Variants in SPAST observed in about 807,000 individuals in gnomAD.
The protein encoded by SPAST is spastin.
SPAST carries 30 observed loss-of-function variants against 76.6 expected under a neutral mutation model. That is an observed-to-expected ratio of 0.39 (90% CI 0.29 to 0.53). The LOEUF (loss-of-function observed/expected upper bound fraction) is 0.53, where lower values mean the gene tolerates loss of function less well. Among genes scored for constraint, SPAST ranks in the 20% least tolerant of loss-of-function variants. The pLI, the probability that SPAST is intolerant of heterozygous loss-of-function variation, is 0.68. For synonymous variants in SPAST, 305 were observed against 281.0 expected (o/e 1.09, Z -0.86); for missense variants, 717 against 770.5 (o/e 0.93, Z 0.82).
At chr2:32,089,438 C>T in intron 2 of SPAST, 84 bp from the exon 3 acceptor site, 4 of 785,964 alleles carry the variant, frequency 5.1e-6, no homozygotes, top group Non-Finnish European at 8.8e-6. Context: ...TGTGACTCCC[C>T]ATGAAAGTAG....
intron 3 of SPAST, among the ~76,000 whole-genome samples, chr2:32,094,473 A>G (rs1172170451): frequency 1.3e-5 from 2 of 152,184 alleles, no homozygotes; most frequent in African/African-American, 4.8e-5. Context: ...GAGAAGTAAG[A>G]GCCAATACAA....
At chr2:32,089,389 T>G in intron 2 of SPAST, 133 bp from the exon 3 acceptor site, 1 of 599,146 alleles carries the variant, frequency 1.7e-6, no homozygotes, top group East Asian at 3.0e-5. Context: ...GGGTATACAT[T>G]TTCTTCTTTT....
chr2:32,118,727 T>G (rs1159238681), intron 7 of SPAST, among the ~76,000 whole-genome samples: 1 of 152,220 alleles, frequency 6.6e-6, no homozygotes, highest in Non-Finnish European at 1.5e-5. Flanking sequence ...TTTCTAAGAT[T>G]AGAGCTGCCT....
chr2:32,093,308 C>CT (rs1270975550), intron 3 of SPAST, among the ~76,000 whole-genome samples: 2 of 94,700 alleles, frequency 2.1e-5, no homozygotes, highest in Non-Finnish European at 4.3e-5. Context: ...GAGACTCCGT[C>CT]TCAAAAAAAA....
Position 32,144,684 on chromosome 2 carries a change from G to A in SPAST, c.1617-253G>A, listed in dbSNP as rs143261316. Among the ~76,000 whole-genome samples, 1,974 of 151,994 alleles carry A rather than the reference G, an allele frequency of 0.013. 15 individuals are homozygous for A. The highest frequency in any genetic ancestry group is 0.019 in the Non-Finnish European group (1,317 of 67,948). On this transcript the variant is annotated intron_variant, in intron 14 of 16. Transcript: ENST00000315285. ...GTGGATCACCTGAGGTCAGGAGTTCGAGACCAGCCTGACCAACATGGCGAA... is the reference window on the plus strand; with the variant it reads ...GTGGATCACCTGAGGTCAGGAGTTCAAGACCAGCCTGACCAACATGGCGAA...
chr2:32,139,447 A>G (rs929838394), intron 12 of SPAST, among the ~76,000 whole-genome samples: 3 of 152,242 alleles, frequency 2.0e-5, no homozygotes, highest in African/African-American at 7.2e-5. Flanking sequence ...TCAGTGTACA[A>G]AAAATTAGTA....
At chr2:32,098,968 A>T in intron 4 of SPAST, 77 bp downstream of exon 4, 2 of 950,870 alleles carry the variant, frequency 2.1e-6, no homozygotes, top group Non-Finnish European at 3.4e-6. Context: ...GATAATGTTG[A>T]TTTGATTTTA....
intron 1 of SPAST, among the ~76,000 whole-genome samples, chr2:32,067,721 G>A (rs2148689636): frequency 6.7e-6 from 1 of 149,174 alleles, no homozygotes; most frequent in Non-Finnish European, 1.5e-5. Flanking sequence ...ATAGCTCACT[G>A]CAGCCTCAAG....
intron 3 of SPAST, among the ~76,000 whole-genome samples, 168 bp from the exon 4 acceptor site, chr2:32,098,628 A>G (rs1255237076): frequency 6.6e-6 from 1 of 152,170 alleles, no homozygotes; most frequent in Non-Finnish European, 1.5e-5. Flanking sequence ...CTTCATTTTT[A>G]CTAATTATAT....
chr2:32,079,462 T>C (rs1402271831), intron 1 of SPAST, among the ~76,000 whole-genome samples: 9 of 151,080 alleles, frequency 6.0e-5, no homozygotes, highest in Non-Finnish European at 2.9e-5. Context: ...AGTGAGATCA[T>C]ACCACTGCTC....
chr2:32,125,748 T>C (rs1049690244), intron 7 of SPAST, among the ~76,000 whole-genome samples: 4 of 152,112 alleles, frequency 2.6e-5, no homozygotes, highest in African/African-American at 9.7e-5. Flanking sequence ...CTTGACTGCC[T>C]TTGGTGGGGA....
chr2:32,091,855 T>C (rs1205289743), intron 3 of SPAST, among the ~76,000 whole-genome samples: 1 of 151,294 alleles, frequency 6.6e-6, no homozygotes, highest in Non-Finnish European at 1.5e-5. Context: ...ATAAAATAAA[T>C]AGATAAATAA....
chr2:32,079,071 G>A (rs1242092804), intron 1 of SPAST, among the ~76,000 whole-genome samples: 2 of 151,984 alleles, frequency 1.3e-5, no homozygotes, highest in African/African-American at 4.8e-5. Flanking sequence ...GAATTCCTGG[G>A]CTCAAGTGAC....
chr2:32,069,400 A>G (rs1676657883), intron 1 of SPAST, among the ~76,000 whole-genome samples: 1 of 152,028 alleles, frequency 6.6e-6, no homozygotes, highest in Non-Finnish European at 1.5e-5. Flanking sequence ...AGAGAATGTA[A>G]TTCTTCCTCT....
intron 9 of SPAST, among the ~76,000 whole-genome samples, chr2:32,134,195 C>G (rs943602918): frequency 6.6e-6 from 1 of 151,934 alleles, no homozygotes; most frequent in African/African-American, 2.4e-5. Context: ...GCCACCATGC[C>G]CAGCTAATTT....
chr2:32,105,337 C>T (rs1417434505), intron 4 of SPAST, among the ~76,000 whole-genome samples: 1 of 152,128 alleles, frequency 6.6e-6, no homozygotes, highest in Admixed American at 6.5e-5. Context: ...GCTGTTTATT[C>T]TAGTTAGCCA....
At chr2:32,110,789 GTATAGTATACATAGTATACTA>G (rs1311575986) in intron 4 of SPAST, among the ~76,000 whole-genome samples, 4 of 138,072 alleles carry the variant, frequency 2.9e-5, no homozygotes, top group Non-Finnish European at 4.6e-5. Flanking sequence ...ACTATATATA[GTATAGTATACATAGTATACTA>G]TATAGTATAT....
chr2:32,105,065 T>A (rs896692092), intron 4 of SPAST, among the ~76,000 whole-genome samples: 4 of 152,152 alleles, frequency 2.6e-5, no homozygotes, highest in African/African-American at 7.2e-5. Context: ...TTGGTTCCAT[T>A]CTCCCCGTCA....
chr2:32,079,255 G>A (rs991594575), intron 1 of SPAST, among the ~76,000 whole-genome samples: 1 of 152,032 alleles, frequency 6.6e-6, no homozygotes, highest in Non-Finnish European at 1.5e-5. Context: ...GGTGGCTCAC[G>A]CCTGTAATCG....
Sources: allele counts gnomAD v4.1 joint callset (sites outside exome capture counted in the v4.1 genomes callset), GRCh38; gene constraint gnomAD v4.1.1; transcripts MANE v1.5; gene names NCBI Gene and HGNC (gene_info 2026-07-23, HGNC 2026-07-21).